IKBKB-DT: variants seen among roughly 807,000 people sequenced by gnomAD.
IKBKB-DT encodes IKBKB divergent transcript.
chr8:42,257,048 T>C (rs1807211918), intron 3 of IKBKB-DT, among the ~76,000 whole-genome samples: 1 of 152,214 alleles, frequency 6.6e-6, no homozygotes, highest in African/African-American at 2.4e-5. Flanking sequence ...TTTAAGATAA[T>C]AACTAGAATT....
At chr8:42,245,220 A>G (rs989441283) in intron 3 of IKBKB-DT, among the ~76,000 whole-genome samples, 7 of 152,214 alleles carry the variant, frequency 4.6e-5, no homozygotes, top group Admixed American at 4.6e-4. Flanking sequence ...GCACCACTGC[A>G]CTCCAACCTG....
intron 3 of IKBKB-DT, among the ~76,000 whole-genome samples, chr8:42,251,341 A>T (rs1343232251): frequency 1.3e-5 from 2 of 152,172 alleles, no homozygotes; most frequent in African/African-American, 4.8e-5. Context: ...GGACCTCACA[A>T]TCTTAAACTG....
intron 1 of IKBKB-DT, among the ~76,000 whole-genome samples, chr8:42,268,089 T>C (rs1028460899): frequency 2.0e-5 from 3 of 151,904 alleles, no homozygotes; most frequent in East Asian, 3.9e-4. Flanking sequence ...GTACTGGAAA[T>C]GGACTCTCCA....
chr8:42,247,296 T>G (rs1807076037), intron 3 of IKBKB-DT, among the ~76,000 whole-genome samples: 1 of 152,244 alleles, frequency 6.6e-6, no homozygotes, highest in African/African-American at 2.4e-5. Context: ...ATTTAATGAC[T>G]GCCCTGCTGG....
chr8:42,257,401 C>A (rs929797476), intron 3 of IKBKB-DT, among the ~76,000 whole-genome samples: 1 of 151,912 alleles, frequency 6.6e-6, no homozygotes, highest in Non-Finnish European at 1.5e-5. Context: ...ACTTGGGAGG[C>A]TGAGGCAGGA....
At chr8:42,262,528 C>G (rs928304782) in intron 3 of IKBKB-DT, among the ~76,000 whole-genome samples, 4 of 151,744 alleles carry the variant, frequency 2.6e-5, no homozygotes, top group African/African-American at 7.3e-5. Flanking sequence ...CAAGCTCCGC[C>G]TCCTGGGTTC....
At chr8:42,235,268 A>T (rs1458098720) in intron 3 of IKBKB-DT, among the ~76,000 whole-genome samples, 2 of 142,730 alleles carry the variant, frequency 1.4e-5, no homozygotes, top group African/African-American at 5.4e-5. Context: ...GCAGTGGCAC[A>T]ATCTCAGCTC....
intron 3 of IKBKB-DT, among the ~76,000 whole-genome samples, chr8:42,240,265 CCT>C (rs1806983347): frequency 1.3e-5 from 2 of 150,230 alleles, no homozygotes; most frequent in East Asian, 3.9e-4. Context: ...TTTTTGTTCC[CCT>C]GTTAGTTACA....
intron 3 of IKBKB-DT, among the ~76,000 whole-genome samples, chr8:42,237,740 A>T (rs577957277): frequency 5.9e-5 from 9 of 152,002 alleles, no homozygotes; most frequent in Admixed American, 1.3e-4. Flanking sequence ...AAGAATAAGG[A>T]CTGGCCAGGT....
At chr8:42,235,802 T>G (rs1216684490) in intron 3 of IKBKB-DT, among the ~76,000 whole-genome samples, 1 of 152,142 alleles carries the variant, frequency 6.6e-6, no homozygotes, top group African/African-American at 2.4e-5. Flanking sequence ...CTGAGTGAGT[T>G]GATTTTGTTT....
chr8:42,269,700 C>A (rs980922615), intron 1 of IKBKB-DT, among the ~76,000 whole-genome samples: 1 of 151,894 alleles, frequency 6.6e-6, no homozygotes, highest in East Asian at 1.9e-4. Flanking sequence ...GAGCAGCCAG[C>A]GTGCCTAGCA....
chr8:42,237,540 G>C (rs1027328426), intron 3 of IKBKB-DT, among the ~76,000 whole-genome samples: 1 of 152,070 alleles, frequency 6.6e-6, no homozygotes, highest in Non-Finnish European at 1.5e-5. Context: ...TGGTCAAGAG[G>C]GGGGCCCTTT....
At chr8:42,239,588 G>A (rs1312474328) in intron 3 of IKBKB-DT, among the ~76,000 whole-genome samples, 1 of 98,538 alleles carries the variant, frequency 1.0e-5, no homozygotes, top group African/African-American at 3.4e-5. Context: ...TTTCAAATGA[G>A]CCAACCAATT....
chr8:42,248,108 A>T (rs1807084655), intron 3 of IKBKB-DT, among the ~76,000 whole-genome samples: 1 of 151,972 alleles, frequency 6.6e-6, no homozygotes, highest in African/African-American at 2.4e-5. Flanking sequence ...AAAAAAAAAA[A>T]AGAAAGTGTC....
At chr8:42,259,343 T>C (rs1051802298) in intron 3 of IKBKB-DT, among the ~76,000 whole-genome samples, 1 of 152,178 alleles carries the variant, frequency 6.6e-6, no homozygotes, top group Non-Finnish European at 1.5e-5. Flanking sequence ...AGTTTTTCAA[T>C]GTGGCATGGG....
At chr8:42,234,463 AAC>A (rs1806892530) in intron 3 of IKBKB-DT, among the ~76,000 whole-genome samples, 1 of 152,244 alleles carries the variant, frequency 6.6e-6, no homozygotes, top group South Asian at 2.1e-4. Context: ...TGTGATACAC[AAC>A]ATTTTAAGAC....
chr8:42,247,315 C>T (rs1243326846), intron 3 of IKBKB-DT, among the ~76,000 whole-genome samples: 2 of 152,188 alleles, frequency 1.3e-5, no homozygotes, highest in Non-Finnish European at 2.9e-5. Context: ...GGATTTCGGA[C>T]TTGCATAGGA....
chr8:42,248,144 C>T (rs1334832614), intron 3 of IKBKB-DT, among the ~76,000 whole-genome samples: 1 of 151,910 alleles, frequency 6.6e-6, no homozygotes, highest in Non-Finnish European at 1.5e-5. Flanking sequence ...CAGTAAGTTT[C>T]CCGAGGCCTC....
At chr8:42,269,696 C>T (rs1807494911) in intron 1 of IKBKB-DT, among the ~76,000 whole-genome samples, 1 of 151,798 alleles carries the variant, frequency 6.6e-6, no homozygotes, top group African/African-American at 2.4e-5. Flanking sequence ...AACCGAGCAG[C>T]CAGCGTGCCT....
Sources: gnomAD v4.1 joint callset for allele counts (sites outside exome capture counted in the v4.1 genomes callset) on GRCh38, gnomAD v4.1.1 for gene constraint, MANE v1.5 for transcripts, NCBI Gene and HGNC (gene_info 2026-07-23, HGNC 2026-07-21) for gene names.